The following ASAP2 variants were observed in gnomAD, a reference collection of about 807,000 sequenced individuals.
ASAP2 encodes the protein arf-GAP with SH3 domain, ANK repeat and PH domain-containing protein 2.
In ASAP2, 45 loss-of-function variants were observed where a neutral mutation model predicts 131.4. The ratio of observed to expected loss-of-function variants is 0.34; its 90% confidence interval spans 0.27 to 0.44. The LOEUF is 0.44. ASAP2 is among the 20% of genes least tolerant of loss of function. The probability of loss-of-function intolerance (pLI) is 1.00; values close to 1 mark genes in which losing one functional copy is unlikely to be tolerated. For missense variants in ASAP2, 1,011 were observed against 1,297.0 expected, an observed-to-expected ratio of 0.78 and a Z score of 3.39; for synonymous variants, 510 against 503.0, an observed-to-expected ratio of 1.01 and a Z score of -0.19.
intron 27 of ASAP2, 130 bp downstream of exon 27, chr2:9,401,526 G>A (rs565786147): frequency 1.4e-4 from 173 of 1,230,518 alleles, no homozygotes; most frequent in South Asian, 2.9e-4. Flanking sequence ...TGGTGCCTCC[G>A]CCCCTTAGCA....
At chr2:9,334,424 C>G (rs1358841535) in intron 7 of ASAP2, among the ~76,000 whole-genome samples, 1 of 152,126 alleles carries the variant, frequency 6.6e-6, no homozygotes, top group Admixed American at 6.5e-5. Flanking sequence ...CTTCCACTTG[C>G]GCCCCATGGC....
At chr2:9,399,729 G>A in intron 24 of ASAP2, 1 of 474,188 alleles carries the variant, frequency 2.1e-6, no homozygotes. Context: ...CTCGGGGCGG[G>A]GCCAGTGGCC....
intron 11 of ASAP2, among the ~76,000 whole-genome samples, chr2:9,347,507 C>G (rs10929574): frequency 6.6e-6 from 1 of 152,150 alleles, no homozygotes; most frequent in Non-Finnish European, 1.5e-5. Flanking sequence ...AGCTGCGAAG[C>G]AGGTCTTTAA....
intron 11 of ASAP2, among the ~76,000 whole-genome samples, chr2:9,346,461 T>C (rs1403167071): frequency 6.6e-6 from 1 of 151,960 alleles, no homozygotes; most frequent in African/African-American, 2.4e-5. Context: ...AGCCATTCTT[T>C]CCATGCGTGG....
intron 1 of ASAP2, among the ~76,000 whole-genome samples, chr2:9,241,285 T>C (rs1407408993): frequency 6.6e-6 from 1 of 152,248 alleles, no homozygotes; most frequent in Non-Finnish European, 1.5e-5. Flanking sequence ...GAATTTTGGT[T>C]GAACTGTTGT....
chr2:9,370,171 T>C (rs1345986325), intron 16 of ASAP2, among the ~76,000 whole-genome samples: 1 of 152,176 alleles, frequency 6.6e-6, no homozygotes, highest in East Asian at 1.9e-4. Flanking sequence ...GTGGCATGTC[T>C]TTGAGAAACG....
intron 20 of ASAP2, among the ~76,000 whole-genome samples, chr2:9,382,083 A>G (rs917401585): frequency 6.8e-6 from 1 of 147,190 alleles, no homozygotes; most frequent in Non-Finnish European, 1.5e-5. Flanking sequence ...TCCCAGGTTT[A>G]AGCAATTCTT....
At chr2:9,247,365 G>T (rs559522760) in intron 1 of ASAP2, among the ~76,000 whole-genome samples, 1 of 152,316 alleles carries the variant, frequency 6.6e-6, no homozygotes, top group Admixed American at 6.5e-5. Context: ...GGGAGTCCCA[G>T]ACGGTCCCCG....
At chr2:9,393,826 A>G (rs1675912923) in intron 24 of ASAP2, among the ~76,000 whole-genome samples, 179 bp downstream of exon 24, 1 of 152,246 alleles carries the variant, frequency 6.6e-6, no homozygotes, top group South Asian at 2.1e-4. Flanking sequence ...GACTGTAAAA[A>G]TGTCTTACAA....
intron 1 of ASAP2, among the ~76,000 whole-genome samples, chr2:9,251,539 G>T (rs1280723283): frequency 2.0e-5 from 3 of 152,148 alleles, no homozygotes; most frequent in Non-Finnish European, 4.4e-5. Flanking sequence ...AAGATAACGT[G>T]CATTTTACAC....
intron 4 of ASAP2, 64 bp downstream of exon 4, chr2:9,318,662 G>T (rs1294851353): frequency 8.6e-7 from 1 of 1,164,776 alleles, no homozygotes. Flanking sequence ...CAGTAGCTTG[G>T]CCTGCCGGGC....
intron 11 of ASAP2, among the ~76,000 whole-genome samples, chr2:9,347,280 G>A (rs147814676): frequency 1.7e-4 from 26 of 152,314 alleles, no homozygotes; most frequent in African/African-American, 5.5e-4. Context: ...GTATGACTGC[G>A]TCTACAGAGA....
chr2:9,310,499 C>G (rs1339963352), intron 3 of ASAP2, among the ~76,000 whole-genome samples: 1 of 152,186 alleles, frequency 6.6e-6, no homozygotes, highest in Non-Finnish European at 1.5e-5. Flanking sequence ...TTGGCTGCTC[C>G]TTAAAAATAG....
At chr2:9,353,217 C>G (rs1348097691) in intron 12 of ASAP2, among the ~76,000 whole-genome samples, 4 of 151,700 alleles carry the variant, frequency 2.6e-5, no homozygotes, top group African/African-American at 7.3e-5. Flanking sequence ...ACTTCCTCAC[C>G]AGCCTCATGG....
intron 7 of ASAP2, among the ~76,000 whole-genome samples, chr2:9,334,466 T>C (rs947212309): frequency 1.3e-5 from 2 of 152,212 alleles, no homozygotes; most frequent in African/African-American, 4.8e-5. Context: ...ACCTCTCCCG[T>C]TATAAACTGA....
intron 2 of ASAP2, among the ~76,000 whole-genome samples, chr2:9,289,450 T>C (rs966313890): frequency 1.7e-4 from 26 of 152,174 alleles, no homozygotes; most frequent in African/African-American, 5.3e-4. Context: ...ACCAGAAATA[T>C]TCTTGACCCG....
At chr2:9,337,927 A>G (rs1209664229) in intron 9 of ASAP2, among the ~76,000 whole-genome samples, 2 of 152,190 alleles carry the variant, frequency 1.3e-5, no homozygotes, top group South Asian at 2.1e-4. Flanking sequence ...CCATAGTGCA[A>G]TATTATACAA....
chr2:9,351,648 G>A (rs180960607), intron 12 of ASAP2, among the ~76,000 whole-genome samples: 3 of 152,302 alleles, frequency 2.0e-5, no homozygotes, highest in Admixed American at 1.3e-4. Context: ...GTAGGAAGGC[G>A]GTGCTGTTCT....
At position 9,356,285 on chromosome 2, in the gene ASAP2, A is replaced by G. The variant is rs771627102; in HGVS notation, c.1267A>G (p.Ile423Val). 9.9e-6 allele frequency: 16 copies of G among 1,613,794 alleles called. No homozygotes were observed. Among genetic ancestry groups the G allele is most frequent in the Non-Finnish European group, 1.3e-5 (15 of 1,179,912 alleles). Residue 423 changes from isoleucine (I) to valine (V), a missense_variant, in exon 14 of 28, where the codon ATC (isoleucine) becomes GTC (valine). By Grantham distance (29) the Ile-to-Val change is conservative. Coordinates refer to ENST00000281419, the MANE Select transcript of ASAP2 (RefSeq NM_003887.3). ...NNIVQELTKE[I>V]ISEVQRMTGN... ...CATCGTCCAAGAACTGACAAAGGAG[A>G]TCATCTCAGAAGTGCAGAGGATGAC...
Sources: gnomAD v4.1 joint callset for allele counts (sites outside exome capture counted in the v4.1 genomes callset) on GRCh38, gnomAD v4.1.1 for gene constraint, MANE v1.5 for transcripts, NCBI Gene and HGNC (gene_info 2026-07-23, HGNC 2026-07-21) for gene names.